Variants in USP35 observed in about 807,000 individuals in gnomAD.
USP35 encodes ubiquitin carboxyl-terminal hydrolase 35.
Under a neutral mutation model 83.8 loss-of-function variants are expected in USP35, and 69 were observed. That is an observed-to-expected ratio of 0.82 (90% CI 0.68 to 1.01). The LOEUF is 1.01. USP35 is among the 50% of genes least tolerant of loss of function. USP35 has a pLI of 0.00. For missense variants in USP35, 1,503 were observed against 1,362.5 expected (o/e 1.10, Z -1.62); for synonymous variants, 714 against 589.5 (o/e 1.21, Z -3.06).
chr11:78,209,753 A>G lies in USP35; in HGVS notation c.1898A>G (p.Gln633Arg), dbSNP rs1247931219. 2.5e-6 allele frequency: 4 copies of G among 1,613,860 alleles called. No individual in the cohort carries two copies. The highest frequency in any genetic ancestry group is 3.4e-6 in the Non-Finnish European group (4 of 1,179,964). ...GAGTTGCCCCCACCAACCAGTGCAC[A>G]GGGGCCAGGCAGGGTGGGTCCTCGG... ...ARELPPPTSAQGPGRVGPRRQ... is the reference protein window; with the variant it reads ...ARELPPPTSARGPGRVGPRRQ... The change falls in exon 10 of 11, where the codon CAG becomes CGG. Residue 633 changes from glutamine (Q) to arginine (R), a missense_variant. Gln to Arg is a conservative substitution (Grantham distance 43, BLOSUM62 1). Coordinates refer to ENST00000529308, the MANE Select transcript of USP35 (RefSeq NM_020798.4).
rs781225677 is a variant in USP35 at position 78,207,579 on chromosome 11, A to AT, written c.1442dup (p.Met481IlefsTer124). The stretch of plus-strand genomic sequence containing the variant: ...GACTGAGAACAACTCACAGCCCCTG[A>AT]TGACCAAGCTGCAGTGGCTCTTTGG... On this transcript the variant is annotated frameshift_variant, in exon 8 of 11. Coordinates refer to ENST00000529308, the MANE Select transcript of USP35 (RefSeq NM_020798.4). LOFTEE classifies it high-confidence loss of function. 17 of 1,614,062 alleles carry AT rather than the reference A, an allele frequency of 1.1e-5. No homozygotes were observed. The highest frequency in any genetic ancestry group is 1.4e-5 in the Non-Finnish European group (16 of 1,180,028).
chr11:78,225,029 T>G, the USP35 span: 5 of 848,640 alleles, frequency 5.9e-6, no homozygotes, highest in East Asian at 1.2e-4. Flanking sequence ...TCTTTTGGGG[T>G]TGTGCTTTTA....
the USP35 span, among the ~76,000 whole-genome samples, chr11:78,223,244 G>C: frequency 6.6e-6 from 1 of 152,124 alleles, no homozygotes; most frequent in Non-Finnish European, 1.5e-5. Flanking sequence ...AAACCTGGGA[G>C]GTAGGAATTA....
chr11:78,196,989 A>G lies in USP35; in HGVS notation c.673+71A>G. 7.1e-7 allele frequency: 1 copy of G among 1,410,190 alleles called. No individual in the cohort carries two copies. Among genetic ancestry groups the G allele is most frequent in the Non-Finnish European group, 9.2e-7 (1 of 1,087,062 alleles). The allele number at this position is 1,410,190 out of a possible 1,614,324, so 87.4% of individuals were successfully genotyped here. On this transcript the variant is annotated intron_variant, in intron 2 of 10. Transcript: ENST00000529308. This position sits in a 1 kb window ranked among gnomAD's most constrained non-coding sequence, Gnocchi z 4.8. Reference sequence around the variant, plus strand: ...GGTGGGCGCTTGGGTAGGTGGCTGTACGTGTGGATTTGTGCATGCGGGCGC... The same window carrying G: ...GGTGGGCGCTTGGGTAGGTGGCTGTGCGTGTGGATTTGTGCATGCGGGCGC...
intron 6 of USP35, among the ~76,000 whole-genome samples, chr11:78,203,965 A>G (rs2137043499): frequency 7.9e-6 from 1 of 127,066 alleles, no homozygotes; most frequent in South Asian, 2.5e-4. Flanking sequence ...ATCTCGGCTC[A>G]CTGCAAGCTC....
At chr11:78,202,866 A>T (rs1863399157) in intron 6 of USP35, among the ~76,000 whole-genome samples, 1 of 152,164 alleles carries the variant, frequency 6.6e-6, no homozygotes, top group Non-Finnish European at 1.5e-5. Context: ...GTTTCCTGCT[A>T]GACAGGAAAC....
intron 1 of USP35, among the ~76,000 whole-genome samples, chr11:78,191,154 T>C (rs139679359): frequency 1.3e-4 from 19 of 142,642 alleles, no homozygotes; most frequent in African/African-American, 4.2e-4. Flanking sequence ...ATAGGAGTTG[T>C]GTACACACAC....
At chr11:78,222,248 A>G in the USP35 span, 3 of 1,103,926 alleles carry the variant, frequency 2.7e-6, no homozygotes, top group South Asian at 1.2e-5. Flanking sequence ...AATGCTACAC[A>G]TACACACCTT....
chr11:78,226,458 TACTG>T, the USP35 span: 1 of 1,607,404 alleles, frequency 6.2e-7, no homozygotes, highest in Non-Finnish European at 8.5e-7. Context: ...CTAGGACTTA[TACTG>T]ACCTCGGTGA....
At chr11:78,230,519 C>T in the USP35 span, among the ~76,000 whole-genome samples, 3 of 152,268 alleles carry the variant, frequency 2.0e-5, no homozygotes, top group Non-Finnish European at 2.9e-5. Context: ...TCTGTGCTTC[C>T]ATCGCAACAC....
chr11:78,235,467 A>G, the USP35 span, among the ~76,000 whole-genome samples: 1 of 152,014 alleles, frequency 6.6e-6, no homozygotes, highest in African/African-American at 2.4e-5. Context: ...TTTCTTTTCT[A>G]TCACATCGTC....
intron 2 of USP35, among the ~76,000 whole-genome samples, chr11:78,197,393 A>G (rs956653908): frequency 2.6e-5 from 4 of 152,130 alleles, no homozygotes; most frequent in Admixed American, 6.5e-5. Context: ...GGAGTCTGCT[A>G]TGCAGACTCA....
chr11:78,201,805 G>A (rs1326942035), intron 6 of USP35, among the ~76,000 whole-genome samples: 1 of 152,034 alleles, frequency 6.6e-6, no homozygotes, highest in Non-Finnish European at 1.5e-5. Flanking sequence ...CACAGAGGTA[G>A]TGAGACATGT....
chr11:78,210,303 CA>C lies in USP35; in HGVS notation c.2449del (p.Thr817ProfsTer134). 1 of 1,613,910 alleles carries C rather than the reference CA, an allele frequency of 6.2e-7. No individual in the cohort carries two copies. Among genetic ancestry groups the C allele is most frequent in the African/African-American group, 1.3e-5 (1 of 75,080 alleles). ...TLLRFSFDLR[T>X]MRRRKILDDV... ...TGCTGCGCTTCTCTTTCGACCTGCG[CA>C]CCATGCGGCGCCGCAAGATCCTGGA... is the stretch of plus-strand genomic sequence containing the variant. On this transcript the variant is annotated frameshift_variant, in exon 10 of 11. Transcript: ENST00000529308. LOFTEE classifies it high-confidence loss of function.
chr11:78,196,928 C>A lies in USP35; in HGVS notation c.673+10C>A. On this transcript the variant is annotated intron_variant, in intron 2 of 10. Transcript: ENST00000529308. The surrounding 1 kb of genome is among the most constrained non-coding windows in gnomAD (Gnocchi z 4.8). ...GTCATCTCCTGCGCAGGTGCGTGTG[C>A]GGCCGGGGCAGGAGCGCGGGCATGC... 1 of 1,440,154 alleles carries A rather than the reference C, an allele frequency of 6.9e-7. No homozygotes were observed. Among genetic ancestry groups the A allele is most frequent in the African/African-American group, 1.5e-5 (1 of 67,976 alleles). The allele number at this position is 1,440,154 out of a possible 1,614,324, so 89.2% of individuals were successfully genotyped here. A position where few individuals can be genotyped will look rare whatever the true frequency, so the allele number is the denominator to read the frequency against.
At chr11:78,234,135 C>A in the USP35 span, among the ~76,000 whole-genome samples, 7 of 152,060 alleles carry the variant, frequency 4.6e-5, no homozygotes, top group African/African-American at 1.2e-4. Flanking sequence ...GGCTGGAGTG[C>A]AATGGAATGA....
rs376121105 is a variant in USP35 at position 78,194,011 on chromosome 11, C to T, written c.-10-2225C>T. On this transcript the variant is annotated intron_variant, in intron 1 of 10. Transcript: ENST00000529308. ...CCTCCCAAAGTGTTGGGACTACAGG[C>T]GTGAGCCACCGCGCCCGGCCGCATC... Among the ~76,000 whole-genome samples, 40 of 149,302 alleles carry T rather than the reference C, an allele frequency of 2.7e-4. No individual in the cohort carries two copies. In the East Asian group the frequency reaches 5.0e-3, roughly 19 times the overall value.
chr11:78,198,183 C>A, intron 3 of USP35, 115 bp downstream of exon 3: 1 of 1,470,606 alleles, frequency 6.8e-7, no homozygotes, highest in Admixed American at 1.9e-5. Context: ...AGGGCCCAGG[C>A]CCTCATGTGT....
chr11:78,206,316 C>T (rs1863529288), intron 7 of USP35, among the ~76,000 whole-genome samples: 1 of 152,172 alleles, frequency 6.6e-6, no homozygotes, highest in Non-Finnish European at 1.5e-5. Context: ...CTTCTAGAGT[C>T]TGTGGGGGTG....
Sources: gnomAD v4.1 joint callset for allele counts (sites outside exome capture counted in the v4.1 genomes callset) on GRCh38, gnomAD v4.1.1 for gene constraint, Gnocchi (gnomAD v3.1) non-coding constraint, MANE v1.5 for transcripts, NCBI Gene and HGNC (gene_info 2026-07-23, HGNC 2026-07-21) for gene names.